PLPPR5: variants seen among roughly 807,000 people sequenced by gnomAD.
The protein encoded by PLPPR5 is phospholipid phosphatase-related protein type 5.
PLPPR5 carries 16 observed loss-of-function variants against 33.9 expected under a neutral mutation model. The ratio of observed to expected loss-of-function variants is 0.47; its 90% CI spans 0.32 to 0.72. The LOEUF (loss-of-function observed/expected upper bound fraction) is 0.72, where lower values mean the gene tolerates loss of function less well. Ranked by LOEUF, PLPPR5 falls within the 30% of genes least tolerant of loss-of-function variation. The pLI is 0.03. For missense variants in PLPPR5, 301 were observed against 406.7 expected, an observed-to-expected ratio of 0.74 and a Z score of 2.23; for synonymous variants, 163 against 150.3, an observed-to-expected ratio of 1.08 and a Z score of -0.62.
chr1:98,947,811 G>A (rs1650612102), intron 3 of PLPPR5, among the ~76,000 whole-genome samples: 1 of 152,216 alleles, frequency 6.6e-6, no homozygotes, highest in African/African-American at 2.4e-5. Flanking sequence ...CATGGCACCA[G>A]TTGTCATAAT....
At chr1:98,926,447 A>AGTGTGTGTGTGTGTGTGT (rs60874366) in intron 3 of PLPPR5, among the ~76,000 whole-genome samples, 1 of 132,616 alleles carries the variant, frequency 7.5e-6, no homozygotes, top group Non-Finnish European at 1.6e-5. Flanking sequence ...AGGTTTGATT[A>AGTGTGTGTGTGTGTGTGT]GTGTGTGTGT....
At position 99,004,498 on chromosome 1, in the gene PLPPR5, C is replaced by T. The variant is rs556426183; in HGVS notation, c.174G>A (p.Glu58=). The change falls in exon 1 of 6, where the codon GAG becomes GAA. Residue 58 remains glutamate, a synonymous_variant. Transcript: ENST00000263177. ...SAYRKPYPGP[E]DSSAVPPVLL... ...GCACGGGGGGCACGGCGCTGCTGTC[C>T]TCCGGGCCCGGGTAGGGTTTGCGGT... 6.2e-7 allele frequency: 1 copy of T among 1,613,122 alleles called. No individual in the cohort carries two copies. The highest frequency in any genetic ancestry group is 1.7e-5 in the Admixed American group (1 of 59,996).
intron 3 of PLPPR5, among the ~76,000 whole-genome samples, chr1:98,932,234 T>C (rs1005890782): frequency 1.3e-4 from 20 of 152,168 alleles, no homozygotes; most frequent in African/African-American, 2.7e-4. Flanking sequence ...ATTAATAATA[T>C]ATTTTAAGTA....
At position 98,891,918 on chromosome 1, in the gene PLPPR5, G is replaced by A. The variant is rs1648290144; in HGVS notation, c.*1154C>T. On this transcript the variant is annotated 3_prime_UTR_variant, in exon 6 of 6. Coordinates refer to ENST00000263177, the MANE Select transcript of PLPPR5 (RefSeq NM_001037317.2). ...TCAGGGCCAGAAAACTTGAATTTAAGCTTCAACTATGTCTCTTACTAGTTT... is the reference window on the plus strand; with the variant it reads ...TCAGGGCCAGAAAACTTGAATTTAAACTTCAACTATGTCTCTTACTAGTTT... The A allele has an allele frequency of 6.6e-6, 1 of 151,946 alleles. No homozygotes were observed. The highest frequency in any genetic ancestry group is 1.5e-5 in the Non-Finnish European group (1 of 68,002). The allele number at this position is 151,946 out of a possible 1,614,324, so 9.4% of individuals were successfully genotyped here.
chr1:98,997,068 T>C (rs888898449), intron 1 of PLPPR5, among the ~76,000 whole-genome samples: 6 of 152,204 alleles, frequency 3.9e-5, no homozygotes, highest in African/African-American at 1.4e-4. Flanking sequence ...ATGGTTTACC[T>C]CATTCATTCA....
At chr1:98,927,050 T>G (rs1649795360) in intron 3 of PLPPR5, among the ~76,000 whole-genome samples, 1 of 152,192 alleles carries the variant, frequency 6.6e-6, no homozygotes, top group Non-Finnish European at 1.5e-5. Context: ...TTCACTTAAT[T>G]CAGACCTGTG....
At chr1:98,951,170 C>T (rs1325402756) in intron 3 of PLPPR5, among the ~76,000 whole-genome samples, 2 of 152,160 alleles carry the variant, frequency 1.3e-5, no homozygotes, top group African/African-American at 4.8e-5. Context: ...GACGTGATGG[C>T]AATGAGTGAA....
At chr1:98,901,431 G>C (rs765360660) in intron 5 of PLPPR5, among the ~76,000 whole-genome samples, 15 of 152,048 alleles carry the variant, frequency 9.9e-5, no homozygotes, top group Non-Finnish European at 1.3e-4. Context: ...AAGGAAGGAT[G>C]TATCAGGATG....
chr1:98,892,868 G>C lies in PLPPR5; in HGVS notation c.*204C>G. ...GCTAGGCTTTGTTGTAAGTGCTGGG[G>C]ACACAGAAAAAAAAAGACAATCCTG... On this transcript the variant is annotated 3_prime_UTR_variant, in exon 6 of 6. Transcript: ENST00000263177. 1.9e-6 allele frequency: 1 copy of C among 538,588 alleles called. No individual in the cohort carries two copies. Among genetic ancestry groups the C allele is most frequent in the South Asian group, 2.6e-5 (1 of 38,938 alleles). 33.4% of individuals were successfully genotyped at this position (538,588 alleles called of 1,614,324 possible).
chr1:99,004,366 G>T, intron 1 of PLPPR5, 69 bp downstream of exon 1: 1 of 1,345,206 alleles, frequency 7.4e-7, no homozygotes, highest in Admixed American at 2.2e-5. Context: ...CCCTTAGAGG[G>T]GCCTCAACCC....
intron 5 of PLPPR5, among the ~76,000 whole-genome samples, chr1:98,907,919 G>A (rs1648967104): frequency 1.3e-5 from 2 of 152,154 alleles, no homozygotes; most frequent in South Asian, 4.1e-4. Context: ...TTTGGTTTTG[G>A]CCAAAGGTAA....
In PLPPR5 at chr1:98,893,077, T is replaced by C; in HGVS notation, c.961A>G (p.Thr321Ala). The change falls in exon 6 of 6, where the codon ACA (threonine) becomes GCA (alanine). Residue 321 changes from threonine (T) to alanine (A), a missense_variant. Thr to Ala is a moderately conservative substitution (Grantham distance 58). Coordinates refer to ENST00000263177, the MANE Select transcript of PLPPR5 (RefSeq NM_001037317.2). Reference protein sequence around the residue: ...QNHITAFAEVT With the variant: ...QNHITAFAEVA Reference sequence around the variant, plus strand: ...AAAAACCATCTGCTTCGATATCATGTGACTTCTGCGAAGGCAGTGATGTGG... The same window carrying C: ...AAAAACCATCTGCTTCGATATCATGCGACTTCTGCGAAGGCAGTGATGTGG... The C allele has an allele frequency of 6.2e-7, 1 of 1,611,322 alleles. No homozygotes were observed. The highest frequency in any genetic ancestry group is 8.5e-7 in the Non-Finnish European group (1 of 1,178,426).
intron 1 of PLPPR5, among the ~76,000 whole-genome samples, chr1:98,988,622 T>C (rs919879052): frequency 2.6e-5 from 4 of 152,106 alleles, no homozygotes; most frequent in Non-Finnish European, 5.9e-5. Context: ...GCCTGATGTG[T>C]GGGCCATACT....
At position 98,893,102 on chromosome 1, in the gene PLPPR5, G is replaced by C. The variant is rs771818172; in HGVS notation, c.936C>G (p.Asn312Lys). ...TGACTTCTGCGAAGGCAGTGATGTG[G>C]TTCTGCAAAAAGAAAAAGGAATGAC... The part of the protein sequence containing the change: ...SPLEKVTSVQ[N>K]HITAFAEVT Residue 312 changes from asparagine (N) to lysine (K), a missense_variant and splice_region_variant, in exon 6 of 6, where the codon AAC becomes AAG. Asn to Lys is a moderately conservative substitution (Grantham distance 94). Coordinates refer to ENST00000263177, the MANE Select transcript of PLPPR5 (RefSeq NM_001037317.2). 2 of 1,610,836 alleles carry C rather than the reference G, an allele frequency of 1.2e-6. No homozygotes were observed. The highest frequency in any genetic ancestry group is 4.5e-5 in the East Asian group (2 of 44,682).
At position 98,941,483 on chromosome 1, in the gene PLPPR5, G is replaced by A. The variant is rs1417450457; in HGVS notation, c.621+11587C>T. Among the ~76,000 whole-genome samples the A allele has an allele frequency of 1.3e-5, 2 of 151,532 alleles. 1 individual carries two copies. Among genetic ancestry groups the A allele is most frequent in the Non-Finnish European group, 2.9e-5 (2 of 67,864 alleles). On this transcript the variant is annotated intron_variant, in intron 3 of 5. Coordinates refer to ENST00000263177, the MANE Select transcript of PLPPR5 (RefSeq NM_001037317.2). ...TTATAAGGTGAGAAAGTGTAAAATA[G>A]TCTTTCTAGAAATTTCTTTCAAAGA...
In PLPPR5 at chr1:99,004,474, C is replaced by T. The variant is rs1652994296; in HGVS notation, c.198G>A (p.Val66=). The change falls in exon 1 of 6, where the codon GTG becomes GTA. Residue 66 remains valine (V), a synonymous_variant. Coordinates refer to ENST00000263177, the MANE Select transcript of PLPPR5 (RefSeq NM_001037317.2). ...CCCCGGCGGCCAGCGAGTAGAGGAGCACGGGGGGCACGGCGCTGCTGTCCT... is the reference window on the plus strand; with the variant it reads ...CCCCGGCGGCCAGCGAGTAGAGGAGTACGGGGGGCACGGCGCTGCTGTCCT... ...GPEDSSAVPP[V]LLYSLAAGVP... 1 of 1,611,748 alleles carries T rather than the reference C, an allele frequency of 6.2e-7. No individual in the cohort carries two copies. The highest frequency in any genetic ancestry group is 1.1e-5 in the South Asian group (1 of 90,918).
intron 5 of PLPPR5, among the ~76,000 whole-genome samples, chr1:98,893,474 G>C (rs1485307602): frequency 6.6e-6 from 1 of 151,990 alleles, no homozygotes; most frequent in Non-Finnish European, 1.5e-5. Context: ...AGATGGTGTA[G>C]AATGAGATAG....
intron 1 of PLPPR5, among the ~76,000 whole-genome samples, chr1:98,989,383 G>A (rs1652372874): frequency 6.6e-6 from 1 of 152,024 alleles, no homozygotes; most frequent in African/African-American, 2.4e-5. Context: ...ATGTCAAATG[G>A]TCTCTTTGGC....
intron 1 of PLPPR5, among the ~76,000 whole-genome samples, chr1:98,980,924 A>G (rs748869743): frequency 1.3e-5 from 2 of 152,086 alleles, no homozygotes; most frequent in Admixed American, 1.3e-4. Flanking sequence ...ACAGTTTAAC[A>G]TCAGGTAGCA....
Sources: allele counts gnomAD v4.1 joint callset (sites outside exome capture counted in the v4.1 genomes callset), GRCh38; gene constraint gnomAD v4.1.1; transcripts MANE v1.5; gene names NCBI Gene and HGNC (gene_info 2026-07-23, HGNC 2026-07-21).